Variants in PRKAR2A observed in about 807,000 individuals in gnomAD.
PRKAR2A encodes protein kinase cAMP-dependent type II regulatory subunit alpha, also known as cAMP-dependent protein kinase type II-alpha regulatory subunit.
Under a neutral mutation model 51.9 loss-of-function variants are expected in PRKAR2A, and 29 were observed. That is an observed-to-expected ratio of 0.56 (90% confidence interval 0.42 to 0.76). The LOEUF (loss-of-function observed/expected upper bound fraction) is 0.76, where lower values mean the gene tolerates loss of function less well. Among genes scored for constraint, PRKAR2A ranks in the 30% least tolerant of loss-of-function variants. The probability of loss-of-function intolerance (pLI) is 0.00; values close to 1 mark genes in which losing one functional copy is unlikely to be tolerated. For missense variants in PRKAR2A, 445 were observed against 512.1 expected, an observed-to-expected ratio of 0.87 and a Z score of 1.26; for synonymous variants, 178 against 186.2, an observed-to-expected ratio of 0.96 and a Z score of 0.36.
At chr3:48,823,313 G>A (rs145510285) in intron 1 of PRKAR2A, among the ~76,000 whole-genome samples, 17 of 152,000 alleles carry the variant, frequency 1.1e-4, no homozygotes, top group African/African-American at 4.1e-4. Flanking sequence ...GTGTCTAAAG[G>A]GGGTGTCGGG....
At chr3:48,753,215 T>C (rs1054954846) in intron 9 of PRKAR2A, among the ~76,000 whole-genome samples, 1 of 151,180 alleles carries the variant, frequency 6.6e-6, no homozygotes, top group Non-Finnish European at 1.5e-5. Flanking sequence ...TTATAGGCAC[T>C]CCCCCCTCCC....
intron 2 of PRKAR2A, among the ~76,000 whole-genome samples, chr3:48,795,802 T>C (rs2082482334): frequency 6.6e-6 from 1 of 152,234 alleles, no homozygotes; most frequent in South Asian, 2.1e-4. Context: ...CCCAAAGTGC[T>C]GGGATTACAG....
At chr3:48,811,529 A>C (rs1027413509) in intron 1 of PRKAR2A, among the ~76,000 whole-genome samples, 2 of 152,148 alleles carry the variant, frequency 1.3e-5, no homozygotes, top group Admixed American at 6.5e-5. Flanking sequence ...GAACCCCAAA[A>C]ACATTTAAAT....
intron 3 of PRKAR2A, among the ~76,000 whole-genome samples, chr3:48,793,662 T>C (rs2107320636): frequency 6.6e-6 from 1 of 152,136 alleles, no homozygotes; most frequent in Admixed American, 6.6e-5. Flanking sequence ...CCAGCTAATT[T>C]TTTTTTCCCC....
At chr3:48,764,694 G>T (rs1408548170) in intron 8 of PRKAR2A, among the ~76,000 whole-genome samples, 4 of 152,064 alleles carry the variant, frequency 2.6e-5, no homozygotes, top group Admixed American at 2.6e-4. Context: ...GCGCAATCTC[G>T]ACTCACTGAA....
intron 1 of PRKAR2A, among the ~76,000 whole-genome samples, chr3:48,834,433 C>T (rs2083246379): frequency 6.6e-6 from 1 of 152,000 alleles, no homozygotes. Context: ...AACTTTTATG[C>T]TTTAAGAATG....
At chr3:48,841,801 T>C (rs973027409) in intron 1 of PRKAR2A, among the ~76,000 whole-genome samples, 2 of 152,174 alleles carry the variant, frequency 1.3e-5, no homozygotes, top group Non-Finnish European at 2.9e-5. Context: ...ATTTTTCATT[T>C]ATTATTTGTA....
At position 48,750,966 on chromosome 3, in the gene PRKAR2A, T is replaced by A. The variant is rs1232646176; in HGVS notation, c.*619A>T. On this transcript the variant is annotated 3_prime_UTR_variant, in exon 11 of 11. Transcript: ENST00000265563. ...ACCTGCTGGGTCCTGAGCAGGGTCT[T>A]TCCCTAAGCATCACTGTGGGTTTGG... 9.3e-6 allele frequency: 2 copies of A among 213,920 alleles called. No homozygotes were observed. Among genetic ancestry groups the A allele is most frequent in the African/African-American group, 4.6e-5 (2 of 43,166 alleles). 13.3% of individuals were successfully genotyped at this position (213,920 alleles called of 1,614,324 possible).
intron 2 of PRKAR2A, among the ~76,000 whole-genome samples, chr3:48,805,498 G>A (rs2082665303): frequency 6.6e-6 from 1 of 152,118 alleles, no homozygotes; most frequent in African/African-American, 2.4e-5. Flanking sequence ...TAGCAAGGGT[G>A]GTACTTAGGA....
At chr3:48,775,649 T>C (rs527531038) in intron 5 of PRKAR2A, among the ~76,000 whole-genome samples, 1 of 152,072 alleles carries the variant, frequency 6.6e-6, no homozygotes, top group Non-Finnish European at 1.5e-5. Context: ...TGCAATTCCA[T>C]TTCTAGTCAT....
chr3:48,828,777 TTA>T (rs2083115503), intron 1 of PRKAR2A, among the ~76,000 whole-genome samples: 1 of 151,882 alleles, frequency 6.6e-6, no homozygotes, highest in Admixed American at 6.6e-5. Flanking sequence ...AGCCTTTTTT[TTA>T]TTTTTTTACC....
chr3:48,745,209 T>G (rs1301086141), downstream of PRKAR2A, among the ~76,000 whole-genome samples: 2 of 147,522 alleles, frequency 1.4e-5, no homozygotes, highest in Non-Finnish European at 3.0e-5. Flanking sequence ...CGTGCCAGGC[T>G]ATTTTTTATT....
intron 4 of PRKAR2A, among the ~76,000 whole-genome samples, chr3:48,785,484 T>C (rs1274177584): frequency 1.3e-5 from 2 of 152,138 alleles, no homozygotes; most frequent in African/African-American, 4.8e-5. Context: ...GGTCTTGAAC[T>C]CCTGACCTCA....
Position 48,753,028 on chromosome 3 carries a change from G to A in PRKAR2A, c.940-711C>T, listed in dbSNP as rs1014589905. Among the ~76,000 whole-genome samples the A allele has an allele frequency of 4.5e-5, 6 of 134,254 alleles. No individual in the cohort carries two copies. The South Asian group carries it at 1.4e-3, about 32-fold the overall frequency. The allele number at this position is 134,254 out of a possible 152,430, so 88.1% of individuals were successfully genotyped here. A position where few individuals can be genotyped will look rare whatever the true frequency, so the allele number is the denominator to read the frequency against. ...GCTCACTTCAAGCTCTGCCTCCCAG[G>A]TTCATGCCATTCTCCTGCCTCAACC... is the stretch of plus-strand genomic sequence containing the variant. On this transcript the variant is annotated intron_variant, in intron 9 of 10. Coordinates refer to ENST00000265563, the MANE Select transcript of PRKAR2A (RefSeq NM_004157.4).
intron 1 of PRKAR2A, among the ~76,000 whole-genome samples, chr3:48,841,455 G>C (rs1248155743): frequency 2.9e-5 from 4 of 139,024 alleles, no homozygotes; most frequent in Admixed American, 7.9e-5. Context: ...TGAGGTGGGA[G>C]AATTGCTTGA....
chr3:48,755,340 T>G (rs2081743228), intron 9 of PRKAR2A, among the ~76,000 whole-genome samples: 1 of 151,898 alleles, frequency 6.6e-6, no homozygotes, highest in Non-Finnish European at 1.5e-5. Flanking sequence ...GTTTTCATAT[T>G]AACTCGACTT....
At position 48,748,174 on chromosome 3, in the gene PRKAR2A, C is replaced by G. The variant is rs1485891559; in HGVS notation, c.*3411G>C. On this transcript the variant is annotated 3_prime_UTR_variant, in exon 11 of 11. Coordinates refer to ENST00000265563, the MANE Select transcript of PRKAR2A (RefSeq NM_004157.4). ...ATAGGGTCCCACTTTGTCCCCCAGA[C>G]TGGAGTGCAGTGGCACGATCATGGC... 2 of 150,612 alleles carry G rather than the reference C, an allele frequency of 1.3e-5. No individual in the cohort carries two copies. Among genetic ancestry groups the G allele is most frequent in the Non-Finnish European group, 2.9e-5 (2 of 67,830 alleles). 9.3% of individuals were successfully genotyped at this position (150,612 alleles called of 1,614,324 possible).
intron 4 of PRKAR2A, among the ~76,000 whole-genome samples, chr3:48,787,103 G>A (rs1042393088): frequency 6.6e-6 from 1 of 152,062 alleles, no homozygotes; most frequent in African/African-American, 2.4e-5. Flanking sequence ...TCTAACATGG[G>A]ATCCTGGACT....
At chr3:48,780,383 C>T (rs1481585164) in intron 5 of PRKAR2A, among the ~76,000 whole-genome samples, 2 of 151,806 alleles carry the variant, frequency 1.3e-5, no homozygotes, top group African/African-American at 2.4e-5. Flanking sequence ...GCGGGCAGAT[C>T]ACGAGGTCAG....
Sources: allele counts gnomAD v4.1 joint callset (sites outside exome capture counted in the v4.1 genomes callset), GRCh38; gene constraint gnomAD v4.1.1; transcripts MANE v1.5; gene names NCBI Gene and HGNC (gene_info 2026-07-23, HGNC 2026-07-21).